Variants in GABRR1 observed in about 807,000 individuals in gnomAD.
GABRR1 encodes gamma-aminobutyric acid type A receptor subunit rho1.
A neutral mutation model predicts 55.5 loss-of-function variants in GABRR1; 59 were observed. The ratio of observed to expected loss-of-function variants is 1.06; its 90% confidence interval spans 0.86 to 1.32. The LOEUF (loss-of-function observed/expected upper bound fraction) is 1.32, where lower values mean the gene tolerates loss of function less well. GABRR1 is among the 40% of genes most tolerant of loss of function. The pLI, the probability that GABRR1 is intolerant of heterozygous loss-of-function variation, is 0.00. For missense variants in GABRR1, 602 were observed against 619.1 expected (o/e 0.97, Z 0.29); for synonymous variants, 213 against 226.0 (o/e 0.94, Z 0.51).
chr6:89,226,608 T>C (rs1214805109), intron 1 of GABRR1, among the ~76,000 whole-genome samples: 5 of 123,542 alleles, frequency 4.0e-5, no homozygotes, highest in African/African-American at 1.5e-4. Context: ...GGCTCTGTTC[T>C]GTTCCATGGA....
At chr6:89,204,465 C>A in intron 1 of GABRR1, 1 of 303,914 alleles carries the variant, frequency 3.3e-6, no homozygotes, top group Non-Finnish European at 6.2e-6. Flanking sequence ...AGTGTTGGAT[C>A]CCTGTGGACC....
chr6:89,222,141 A>G (rs1394681450), upstream of GABRR1, among the ~76,000 whole-genome samples: 1 of 152,248 alleles, frequency 6.6e-6, no homozygotes, highest in East Asian at 1.9e-4. Flanking sequence ...CATCACTTCA[A>G]TTCACATTTC....
At position 89,231,017 on chromosome 6, in the gene GABRR1, C is replaced by T. The variant is rs1358453816; in HGVS notation, c.-411+199G>A. ...AAGCGCAATATTCGGGTGGGAGTGA[C>T]CCGATTTTCCAGGTGCGTCCATCAC... On this transcript the variant is annotated intron_variant, in intron 1 of 11. Coordinates refer to the GABRR1 transcript ENST00000369451. 2.6e-5 allele frequency among the ~76,000 whole-genome samples: 4 copies of T among 151,970 alleles called. No individual in the cohort carries two copies. In the East Asian group the frequency reaches 7.8e-4, roughly 29 times the overall value.
chr6:89,179,110 T>G (rs756621008), intron 9 of GABRR1, 47 bp from the exon 10 acceptor site: 2 of 1,574,388 alleles, frequency 1.3e-6, no homozygotes, highest in Non-Finnish European at 1.7e-6. Context: ...GCATCATCTC[T>G]CAGAAGCCCT....
chr6:89,202,166 G>A (rs943604454), intron 2 of GABRR1, among the ~76,000 whole-genome samples: 11 of 152,142 alleles, frequency 7.2e-5, no homozygotes, highest in Admixed American at 6.6e-4. Flanking sequence ...TCTTTTTCTC[G>A]ATTGGTAACA....
At chr6:89,230,521 C>G (rs1420835406) in intron 1 of GABRR1, among the ~76,000 whole-genome samples, 1 of 152,142 alleles carries the variant, frequency 6.6e-6, no homozygotes, top group African/African-American at 2.4e-5. Context: ...AATACCCTGC[C>G]TTGTGAGGTG....
chr6:89,201,404 CT>C (rs1772467718), intron 2 of GABRR1, 139 bp from the exon 3 acceptor site: 4 of 612,332 alleles, frequency 6.5e-6, no homozygotes, highest in Admixed American at 2.7e-5. Flanking sequence ...TCCCCTCTTT[CT>C]TTCTCCATCT....
chr6:89,180,940 T>C (rs1771699979), intron 8 of GABRR1, among the ~76,000 whole-genome samples: 1 of 152,210 alleles, frequency 6.6e-6, no homozygotes, highest in Non-Finnish European at 1.5e-5. Flanking sequence ...GTCCTGGGCC[T>C]GCGTCGACAG....
At chr6:89,188,755 A>T (rs1771992319) in intron 6 of GABRR1, among the ~76,000 whole-genome samples, 1 of 152,140 alleles carries the variant, frequency 6.6e-6, no homozygotes, top group East Asian at 1.9e-4. Flanking sequence ...CACAAAATTG[A>T]CAATTTTCAT....
At chr6:89,199,679 C>T (rs930734612) in intron 3 of GABRR1, among the ~76,000 whole-genome samples, 1 of 152,158 alleles carries the variant, frequency 6.6e-6, no homozygotes, top group African/African-American at 2.4e-5. Flanking sequence ...ATGATGAAGA[C>T]CTAGGTCAAA....
chr6:89,189,042 CTGTGTGTG>C (rs71913424), intron 6 of GABRR1, among the ~76,000 whole-genome samples: 1 of 147,430 alleles, frequency 6.8e-6, no homozygotes, highest in African/African-American at 2.5e-5. Context: ...GAACTCATGT[CTGTGTGTG>C]TGTGTGTGTG....
In GABRR1 at chr6:89,203,628, G is replaced by A. The variant is rs911776663; in HGVS notation, c.123-143C>T. 8.9e-6 allele frequency: 6 copies of A among 674,066 alleles called. No homozygotes were observed. The African/African-American group carries it at 1.1e-4, about 12-fold the overall frequency. The allele number at this position is 674,066 out of a possible 1,614,324, so 41.8% of individuals were successfully genotyped here. On this transcript the variant is annotated intron_variant, in intron 1 of 9. Transcript: ENST00000454853. ...GAAGAAAAAACTACGAAGATTCAAT[G>A]CATTCATTTAGCCTCTTGTTGAGCA...
upstream of GABRR1, among the ~76,000 whole-genome samples, chr6:89,218,772 G>C (rs112654026): frequency 0.017 from 2,646 of 152,316 alleles, 42 homozygotes; most frequent in Middle Eastern, 0.031. Context: ...TGCCTATAAT[G>C]TCCTCTCAGG....
At chr6:89,230,938 G>A (rs1348225495) in intron 1 of GABRR1, among the ~76,000 whole-genome samples, 8 of 151,514 alleles carry the variant, frequency 5.3e-5, no homozygotes, top group Admixed American at 2.6e-4. Context: ...AGGACCCTCC[G>A]AGCCAGGTGT....
intron 1 of GABRR1, among the ~76,000 whole-genome samples, chr6:89,213,045 T>C (rs1772878437): frequency 6.6e-6 from 1 of 152,158 alleles, no homozygotes; most frequent in Non-Finnish European, 1.5e-5. Context: ...GCATGATTGG[T>C]GAAGATGGGT....
chr6:89,178,481 G>A lies in GABRR1; in HGVS notation c.*289C>T, dbSNP rs1444292230. ...GGAACTAAATGTGCCCACAACACTG[G>A]TAGTGTGCTTTTCCAGGGGATCTGG... On this transcript the variant is annotated 3_prime_UTR_variant, in exon 10 of 10. Coordinates refer to ENST00000454853, the MANE Select transcript of GABRR1 (RefSeq NM_002042.5). 1 of 422,524 alleles carries A rather than the reference G, an allele frequency of 2.4e-6. No individual in the cohort carries two copies. The highest frequency in any genetic ancestry group is 2.0e-5 in the African/African-American group (1 of 49,816). 26.2% of individuals were successfully genotyped at this position (422,524 alleles called of 1,614,324 possible).
At chr6:89,218,526 G>A (rs1026522291), upstream of GABRR1, among the ~76,000 whole-genome samples, 3 of 152,088 alleles carry the variant, frequency 2.0e-5, no homozygotes, top group South Asian at 2.1e-4. Flanking sequence ...TCACTAACAC[G>A]ATTCTTCTTA....
At chr6:89,230,056 G>A (rs1312459078) in intron 1 of GABRR1, among the ~76,000 whole-genome samples, 17 of 129,430 alleles carry the variant, frequency 1.3e-4, no homozygotes, top group East Asian at 4.4e-4. Context: ...TGATCGCATC[G>A]GCTCCTGAGG....
chr6:89,182,036 A>C lies in GABRR1; in HGVS notation c.818T>G (p.Ile273Ser), dbSNP rs750093579. The C allele has an allele frequency of 6.2e-7, 1 of 1,614,164 alleles. No homozygotes were observed. The highest frequency in any genetic ancestry group is 8.5e-7 in the Non-Finnish European group (1 of 1,180,020). The change falls in exon 8 of 10, where the codon ATT becomes AGT. Residue 273 changes from isoleucine to serine, a missense_variant. By Grantham distance (142) the Ile-to-Ser change is moderately radical. This residue lies in a region of GABRR1 where 435 missense variants were observed against 424.2 expected (regional missense o/e 1.03). Coordinates refer to ENST00000454853, the MANE Select transcript of GABRR1 (RefSeq NM_002042.5). Reference protein sequence around the residue: ...SSTGWYNRLYINFTLRRHIFF... With the variant: ...SSTGWYNRLYSNFTLRRHIFF... ...GATGTGGCGACGCAACGTGAAATTA[A>C]TGTAGAGACGGTTGTACCAGCCTGG... is the stretch of plus-strand genomic sequence containing the variant.
Sources: gnomAD v4.1 joint callset for allele counts (sites outside exome capture counted in the v4.1 genomes callset) on GRCh38, gnomAD v4.1.1 for gene constraint, gnomAD v4.1.1 regional missense constraint, MANE v1.5 for transcripts, NCBI Gene and HGNC (gene_info 2026-07-23, HGNC 2026-07-21) for gene names.